The following AFF1 variants were observed in gnomAD, a reference collection of about 807,000 sequenced individuals.
The protein encoded by AFF1 is ALF transcription elongation factor 1.
A neutral mutation model predicts 121.7 loss-of-function variants in AFF1; 48 were observed. That is an observed-to-expected ratio of 0.39 (90% CI 0.31 to 0.50). AFF1 has a LOEUF of 0.50. Ranked by LOEUF, AFF1 falls within the 20% of genes least tolerant of loss-of-function variation. The probability of loss-of-function intolerance (pLI) is 0.76; values close to 1 mark genes in which losing one functional copy is unlikely to be tolerated. For missense variants in AFF1, 1,523 were observed against 1,511.7 expected (o/e 1.01, Z -0.12); for synonymous variants, 613 against 563.0 (o/e 1.09, Z -1.26).
At chr4:87,125,561 A>C (rs1321989104) in intron 13 of AFF1, among the ~76,000 whole-genome samples, 2 of 152,186 alleles carry the variant, frequency 1.3e-5, no homozygotes, top group African/African-American at 4.8e-5. Context: ...TCCTTCTTTT[A>C]GAGATGACTG....
intron 8 of AFF1, among the ~76,000 whole-genome samples, chr4:87,103,019 A>G (rs985500509): frequency 6.6e-6 from 1 of 152,224 alleles, no homozygotes; most frequent in African/African-American, 2.4e-5. Flanking sequence ...AAAATCCTTC[A>G]CCTGTCATCA....
intron 2 of AFF1, among the ~76,000 whole-genome samples, chr4:87,008,438 A>G (rs1031115524): frequency 3.9e-5 from 6 of 152,202 alleles, no homozygotes; most frequent in Non-Finnish European, 7.3e-5. Context: ...TTCTCTGTAT[A>G]AAGTACCTCC....
In AFF1 at chr4:86,949,556, T is replaced by C. The variant is rs1358426545; in HGVS notation, c.38+985T>C. ...ATTATTATTTTTTTTTTTTTTTTTT[T>C]CCCGACTGGGGCAGGCGGGCTTTAT... On this transcript the variant is annotated intron_variant, in intron 2 of 20. Transcript: ENST00000395146. 8.6e-4 allele frequency: 542 copies of C among 633,624 alleles called. 9 individuals are homozygous for C. In the South Asian group the frequency reaches 8.7e-3, roughly 10 times the overall value. 39.3% of individuals were successfully genotyped at this position (633,624 alleles called of 1,614,324 possible).
At chr4:87,036,916 C>G (rs973194225) in intron 2 of AFF1, 3 of 396,240 alleles carry the variant, frequency 7.6e-6, no homozygotes, top group African/African-American at 6.4e-5. Flanking sequence ...GCTGTAACCT[C>G]TGCCTCTCAG....
At chr4:86,991,834 C>CTTTTT (rs34804329) in intron 2 of AFF1, among the ~76,000 whole-genome samples, 3 of 113,678 alleles carry the variant, frequency 2.6e-5, no homozygotes, top group Admixed American at 1.8e-4. Context: ...CTTCAAATTG[C>CTTTTT]TTTTTTTTTT....
chr4:87,069,555 T>TTCCCTCTCCTC (rs1220833547), intron 4 of AFF1, among the ~76,000 whole-genome samples: 57 of 117,860 alleles, frequency 4.8e-4, no homozygotes, highest in Non-Finnish European at 6.4e-4. Flanking sequence ...TCTCTCCCCT[T>TTCCCTCTCCTC]TCCCTCTCCT....
chr4:87,131,367 A>C, intron 17 of AFF1, 148 bp downstream of exon 17: 2 of 1,088,578 alleles, frequency 1.8e-6, no homozygotes, highest in Admixed American at 2.5e-5. Flanking sequence ...GTTTGTCCTG[A>C]AGTTGCGTTC....
At chr4:87,040,148 G>T (rs1729990835) in intron 2 of AFF1, among the ~76,000 whole-genome samples, 1 of 152,120 alleles carries the variant, frequency 6.6e-6, no homozygotes, top group African/African-American at 2.4e-5. Context: ...TCCCACCTCG[G>T]CCTCCCAAAG....
intron 2 of AFF1, among the ~76,000 whole-genome samples, chr4:86,995,735 C>T (rs1370910354): frequency 6.6e-6 from 1 of 152,002 alleles, no homozygotes; most frequent in Non-Finnish European, 1.5e-5. Context: ...GGCCGCCACC[C>T]CGTCTGGGAA....
intron 17 of AFF1, among the ~76,000 whole-genome samples, 167 bp from the exon 18 acceptor site, chr4:87,131,626 C>T (rs537127048): frequency 8.5e-5 from 13 of 152,320 alleles, no homozygotes; most frequent in Admixed American, 7.8e-4. Context: ...CTAGTTTTCT[C>T]AATGGCCTGG....
chr4:87,017,683 TG>T (rs1379130573), intron 2 of AFF1, among the ~76,000 whole-genome samples: 1 of 152,250 alleles, frequency 6.6e-6, no homozygotes, highest in African/African-American at 2.4e-5. Context: ...AAAAATGCGC[TG>T]TTCTCATTCA....
chr4:87,129,177 A>G (rs1728576268), intron 16 of AFF1, among the ~76,000 whole-genome samples: 1 of 152,184 alleles, frequency 6.6e-6, no homozygotes. Flanking sequence ...CACTCTTAAA[A>G]TATGCCAGCT....
chr4:87,048,085 A>G (rs1207827821), intron 4 of AFF1: 5 of 160,100 alleles, frequency 3.1e-5, no homozygotes, highest in Admixed American at 2.9e-4. Context: ...AAACCGTAAA[A>G]AAGTAAAAAC....
At chr4:86,996,163 G>A (rs1176723267) in intron 2 of AFF1, among the ~76,000 whole-genome samples, 17 of 150,414 alleles carry the variant, frequency 1.1e-4, no homozygotes, top group African/African-American at 2.0e-4. Flanking sequence ...ACCTCTGCCC[G>A]GCCGCCCCTA....
At chr4:87,099,688 C>T (rs1437017125) in intron 8 of AFF1, among the ~76,000 whole-genome samples, 1 of 152,218 alleles carries the variant, frequency 6.6e-6, no homozygotes, top group African/African-American at 2.4e-5. Flanking sequence ...GGATTACAGG[C>T]GTGAGCCACT....
chr4:87,007,168 C>T (rs1042956299), intron 2 of AFF1: 2 of 1,347,478 alleles, frequency 1.5e-6, no homozygotes, highest in South Asian at 1.8e-5. Flanking sequence ...AAGTGCAGAT[C>T]GCCGCAGAGG....
At chr4:87,032,585 G>C (rs1212501662) in intron 2 of AFF1, among the ~76,000 whole-genome samples, 1 of 152,158 alleles carries the variant, frequency 6.6e-6, no homozygotes, top group African/African-American at 2.4e-5. Context: ...TTGTTTGCTA[G>C]GAGCCTAGAA....
chr4:86,985,537 G>A (rs538705687), intron 2 of AFF1, among the ~76,000 whole-genome samples: 4 of 150,082 alleles, frequency 2.7e-5, no homozygotes, highest in South Asian at 2.1e-4. Context: ...GTAGCTCGGC[G>A]TGGTGGCAGG....
chr4:87,001,624 C>T (rs946807887), intron 2 of AFF1, among the ~76,000 whole-genome samples: 1 of 152,096 alleles, frequency 6.6e-6, no homozygotes, highest in African/African-American at 2.4e-5. Context: ...TAGATTTGCC[C>T]TTAGGTCGTG....
Sources: gnomAD v4.1 joint callset for allele counts (sites outside exome capture counted in the v4.1 genomes callset) on GRCh38, gnomAD v4.1.1 for gene constraint, MANE v1.5 for transcripts, NCBI Gene and HGNC (gene_info 2026-07-23, HGNC 2026-07-21) for gene names.